The following RANBP2 variants were observed in gnomAD, a reference collection of about 807,000 sequenced individuals.
RANBP2 encodes the protein E3 SUMO-protein ligase RanBP2.
A neutral mutation model predicts 303.6 loss-of-function variants in RANBP2; 57 were observed. The observed-to-expected ratio is 0.19, with a 90% CI of 0.15 to 0.23. RANBP2 has a LOEUF of 0.23. Ranked by LOEUF, RANBP2 falls within the 10% of genes least tolerant of loss-of-function variation. The pLI is 1.00. For synonymous variants in RANBP2, 1,167 were observed against 1,301.5 expected, an observed-to-expected ratio of 0.90 and a Z score of 2.23; for missense variants, 3,138 against 3,780.8, an observed-to-expected ratio of 0.83 and a Z score of 4.46.
chr2:108,928,848 G>C, the RANBP2 span, among the ~76,000 whole-genome samples: 1 of 152,220 alleles, frequency 6.6e-6, no homozygotes. Context: ...TACTAAAAAT[G>C]CTGCTTTTGC....
the RANBP2 span, among the ~76,000 whole-genome samples, chr2:109,295,286 T>C: frequency 5.3e-5 from 8 of 152,274 alleles, 1 homozygote; most frequent in East Asian, 1.2e-3. Context: ...AAGCAGGTGC[T>C]CTTGTCATCC....
chr2:109,431,952 T>G, the RANBP2 span, among the ~76,000 whole-genome samples: 1 of 152,198 alleles, frequency 6.6e-6, no homozygotes, highest in Non-Finnish European at 1.5e-5. Context: ...CTTAACCACC[T>G]TTCCCTTAAA....
the RANBP2 span, among the ~76,000 whole-genome samples, chr2:109,623,196 G>C: frequency 6.6e-6 from 1 of 152,166 alleles, no homozygotes; most frequent in Non-Finnish European, 1.5e-5. Flanking sequence ...TGTTATGTTT[G>C]TTCTATCGGA....
At chr2:108,952,508 CCTT>C in the RANBP2 span, among the ~76,000 whole-genome samples, 1 of 152,192 alleles carries the variant, frequency 6.6e-6, no homozygotes, top group Admixed American at 6.5e-5. Context: ...ATTGTAAAGC[CCTT>C]CTGGTGAATT....
the RANBP2 span, among the ~76,000 whole-genome samples, chr2:108,932,762 G>T: frequency 6.6e-6 from 1 of 152,090 alleles, no homozygotes; most frequent in African/African-American, 2.4e-5. Context: ...CCAATGCCAA[G>T]TACATATGTG....
At chr2:109,332,552 C>A in the RANBP2 span, among the ~76,000 whole-genome samples, 1 of 152,116 alleles carries the variant, frequency 6.6e-6, no homozygotes, top group Non-Finnish European at 1.5e-5. Flanking sequence ...CCGAGCTCCC[C>A]GCAGTTCAGC....
the RANBP2 span, among the ~76,000 whole-genome samples, chr2:109,364,816 TGTG>T: frequency 6.6e-6 from 1 of 152,180 alleles, no homozygotes; most frequent in East Asian, 1.9e-4. Context: ...GGGGGCCAGA[TGTG>T]GTGGCTCACC....
In RANBP2 at chr2:108,749,148, A is replaced by T. The variant is rs1288045475; in HGVS notation, c.1273+19A>T. 1.2e-6 allele frequency: 2 copies of T among 1,611,866 alleles called. No homozygotes were observed. Among genetic ancestry groups the T allele is most frequent in the Non-Finnish European group, 1.7e-6 (2 of 1,179,854 alleles). Reference sequence around the variant, plus strand: ...GATGTTGGTAAGTTATATGTTTCAGAGGAAATGGTCTCCGTCTTAATTCTT... The same window carrying T: ...GATGTTGGTAAGTTATATGTTTCAGTGGAAATGGTCTCCGTCTTAATTCTT... On this transcript the variant is annotated intron_variant, in intron 9 of 28. Transcript: ENST00000283195.
the RANBP2 span, among the ~76,000 whole-genome samples, chr2:109,631,534 T>G: frequency 1.3e-5 from 2 of 152,242 alleles, no homozygotes; most frequent in Admixed American, 1.3e-4. Context: ...GGTGGGCAGA[T>G]CACCTGAGGT....
chr2:109,486,019 C>G, the RANBP2 span, among the ~76,000 whole-genome samples: 1 of 152,356 alleles, frequency 6.6e-6, no homozygotes, highest in Non-Finnish European at 1.5e-5. Flanking sequence ...GCGCTCCAGC[C>G]AGAAGTCCAG....
chr2:109,437,095 C>T, the RANBP2 span: 34 of 1,613,396 alleles, frequency 2.1e-5, no homozygotes, highest in South Asian at 1.4e-4. Context: ...CAGCTGTCTA[C>T]GGCACTCAGC....
chr2:109,076,914 C>A, the RANBP2 span, among the ~76,000 whole-genome samples: 1 of 150,276 alleles, frequency 6.7e-6, no homozygotes, highest in East Asian at 1.9e-4. Flanking sequence ...TATGGTACCA[C>A]AAAAGATCCT....
At chr2:109,465,795 G>GAGGTGCTATACACCTTTAAAC in the RANBP2 span, among the ~76,000 whole-genome samples, 1 of 152,220 alleles carries the variant, frequency 6.6e-6, no homozygotes, top group East Asian at 1.9e-4. Context: ...GGGGAGGGAG[G>GAGGTGCTATACACCTTTAAAC]AGGTGCTATA....
the RANBP2 span, among the ~76,000 whole-genome samples, chr2:108,879,619 A>C: frequency 3.3e-5 from 5 of 152,204 alleles, no homozygotes; most frequent in African/African-American, 1.2e-4. Context: ...TGGCCAGGCT[A>C]AGTTTTTAGT....
At chr2:109,416,586 T>C in the RANBP2 span, among the ~76,000 whole-genome samples, 22 of 151,468 alleles carry the variant, frequency 1.5e-4, no homozygotes, top group Non-Finnish European at 2.6e-4. Flanking sequence ...GGTTTCACCA[T>C]ATTGACCAGG....
chr2:108,845,801 G>T, the RANBP2 span, among the ~76,000 whole-genome samples: 1 of 152,062 alleles, frequency 6.6e-6, no homozygotes, highest in African/African-American at 2.4e-5. Context: ...TCGATCTCCT[G>T]ACCTCATGAT....
At chr2:109,349,146 C>G in the RANBP2 span, among the ~76,000 whole-genome samples, 33 of 134,326 alleles carry the variant, frequency 2.5e-4, no homozygotes, top group Non-Finnish European at 4.5e-4. Flanking sequence ...CTCTCTCCCC[C>G]ATCTGCTGAG....
At chr2:109,254,898 G>A in the RANBP2 span, among the ~76,000 whole-genome samples, 4 of 152,166 alleles carry the variant, frequency 2.6e-5, no homozygotes, top group Admixed American at 6.5e-5. Flanking sequence ...GAGACAGTAC[G>A]CTCCATGTGA....
chr2:109,535,153 T>C, the RANBP2 span, among the ~76,000 whole-genome samples: 1 of 152,196 alleles, frequency 6.6e-6, no homozygotes, highest in Admixed American at 6.5e-5. Context: ...GGAGAGAGAA[T>C]GCAAACAATG....
Sources: allele counts gnomAD v4.1 joint callset (sites outside exome capture counted in the v4.1 genomes callset), GRCh38; gene constraint gnomAD v4.1.1; transcripts MANE v1.5; gene names NCBI Gene and HGNC (gene_info 2026-07-23, HGNC 2026-07-21).